Variants in PDE6A observed in about 807,000 individuals in gnomAD.
PDE6A encodes phosphodiesterase 6A, also known as rod cGMP-specific 3',5'-cyclic phosphodiesterase subunit alpha.
PDE6A carries 84 observed loss-of-function variants against 106.3 expected under a neutral mutation model. That is an observed-to-expected ratio of 0.79 (90% CI 0.66 to 0.95). PDE6A has a LOEUF of 0.95. Ranked by LOEUF, PDE6A falls within the 40% of genes least tolerant of loss-of-function variation. PDE6A has a pLI of 0.00. For missense variants in PDE6A, 1,052 were observed against 1,084.9 expected (o/e 0.97, Z 0.43); for synonymous variants, 394 against 386.6 (o/e 1.02, Z -0.23).
intron 1 of PDE6A, 92 bp downstream of exon 1, chr5:149,944,108 T>C (rs1286287175): frequency 3.4e-6 from 3 of 884,650 alleles, no homozygotes; most frequent in Non-Finnish European, 5.7e-6. Flanking sequence ...TCACCAGCCT[T>C]GTCTTGGTGG....
chr5:149,916,248 A>G (rs760320757), intron 5 of PDE6A, among the ~76,000 whole-genome samples: 19 of 152,332 alleles, frequency 1.2e-4, no homozygotes, highest in Non-Finnish European at 1.9e-4. Context: ...TTGCCCCAAA[A>G]CATTAAATAT....
intron 6 of PDE6A, among the ~76,000 whole-genome samples, chr5:149,913,331 G>A (rs929700132): frequency 3.3e-5 from 5 of 150,380 alleles, no homozygotes; most frequent in African/African-American, 7.4e-5. Context: ...GTAGTGAGCT[G>A]AGATTCGGCC....
Position 149,884,278 on chromosome 5 carries a change from G to GTGTATATATGTGTATATA in PDE6A, c.2027+183_2027+200dup, listed in dbSNP as rs1167877413. Among the ~76,000 whole-genome samples, 342 of 137,408 alleles carry GTGTATATATGTGTATATA rather than the reference G, an allele frequency of 2.5e-3. 2 individuals are homozygous for GTGTATATATGTGTATATA. Among genetic ancestry groups the GTGTATATATGTGTATATA allele is most frequent in the African/African-American group, 3.0e-3 (109 of 35,800 alleles). The allele number at this position is 137,408 out of a possible 152,430, so 90.1% of individuals were successfully genotyped here. A position where few individuals can be genotyped will look rare whatever the true frequency, so the allele number is the denominator to read the frequency against. The stretch of plus-strand genomic sequence containing the variant: ...TATATGTGTATATATATGTATATAT[G>GTGTATATATGTGTATATA]TGTATATATGTGTATATATGTATAT... On this transcript the variant is annotated intron_variant, in intron 16 of 21. Transcript: ENST00000255266.
At chr5:149,928,152 T>C (rs1009966510) in intron 4 of PDE6A, among the ~76,000 whole-genome samples, 4 of 145,920 alleles carry the variant, frequency 2.7e-5, no homozygotes, top group African/African-American at 7.6e-5. Flanking sequence ...ACCAGTAACA[T>C]AGTTTTCTAG....
chr5:149,892,291 G>C (rs1203978330), intron 13 of PDE6A, among the ~76,000 whole-genome samples: 1 of 151,968 alleles, frequency 6.6e-6, no homozygotes, highest in Non-Finnish European at 1.5e-5. Context: ...TTTCCGGACT[G>C]GGCAACAGAG....
chr5:149,892,493 CTTTTT>C (rs56059807), intron 13 of PDE6A, among the ~76,000 whole-genome samples: 1 of 135,496 alleles, frequency 7.4e-6, no homozygotes, highest in African/African-American at 2.7e-5. Flanking sequence ...CTTTTCTTTC[CTTTTT>C]TTTTTTTTTT....
At chr5:149,918,167 C>T (rs571811360) in intron 5 of PDE6A, among the ~76,000 whole-genome samples, 1 of 152,282 alleles carries the variant, frequency 6.6e-6, no homozygotes, top group Middle Eastern at 3.4e-3. Context: ...GATATACTCC[C>T]AAATGTGGGT....
At position 149,895,175 on chromosome 5, in the gene PDE6A, C is replaced by T. The variant is rs372315011; in HGVS notation, c.1728+8G>A. The T allele has an allele frequency of 2.5e-5, 40 of 1,593,064 alleles. No homozygotes were observed. Among genetic ancestry groups the T allele is most frequent in the African/African-American group, 1.1e-4 (8 of 74,676 alleles). Reference sequence around the variant, plus strand: ...CCCACCCTACCAGCCCCACCGGCCCCGCCATACCACCAGCAGGGAGAACAT... The same window carrying T: ...CCCACCCTACCAGCCCCACCGGCCCTGCCATACCACCAGCAGGGAGAACAT... On this transcript the variant is annotated splice_region_variant and intron_variant, in intron 13 of 21. Coordinates refer to ENST00000255266, the MANE Select transcript of PDE6A (RefSeq NM_000440.3).
At chr5:149,925,706 CAAA>C (rs36003503) in intron 4 of PDE6A, among the ~76,000 whole-genome samples, 3 of 102,160 alleles carry the variant, frequency 2.9e-5, no homozygotes, top group East Asian at 6.0e-4. Context: ...GACTCTGTCT[CAAA>C]AAAAAAAAAA....
intron 4 of PDE6A, among the ~76,000 whole-genome samples, chr5:149,929,082 T>C (rs1278994947): frequency 6.6e-6 from 1 of 152,178 alleles, no homozygotes; most frequent in Non-Finnish European, 1.5e-5. Context: ...GGGCAATATC[T>C]ACTAAAGCTA....
chr5:149,864,324 C>T (rs778367929), intron 20 of PDE6A, among the ~76,000 whole-genome samples: 32 of 151,784 alleles, frequency 2.1e-4, no homozygotes, highest in Non-Finnish European at 3.8e-4. Flanking sequence ...CTGCAACCTC[C>T]GCCTCCCAGG....
intron 6 of PDE6A, among the ~76,000 whole-genome samples, chr5:149,912,948 C>A (rs556546536): frequency 1.1e-4 from 16 of 151,952 alleles, no homozygotes; most frequent in Non-Finnish European, 2.2e-4. Context: ...AAAATTGCGA[C>A]CTGTGACCAT....
chr5:149,889,174 C>A (rs1346104588), intron 13 of PDE6A, among the ~76,000 whole-genome samples: 1 of 149,510 alleles, frequency 6.7e-6, no homozygotes, highest in Non-Finnish European at 1.5e-5. Flanking sequence ...GTCAAAAGTA[C>A]ACTGATGCAA....
intron 6 of PDE6A, among the ~76,000 whole-genome samples, chr5:149,910,948 T>G (rs1217509305): frequency 2.8e-5 from 4 of 145,338 alleles, no homozygotes; most frequent in Non-Finnish European, 3.0e-5. Context: ...GGTGCGATCA[T>G]GGCTCACTGT....
intron 17 of PDE6A, among the ~76,000 whole-genome samples, chr5:149,873,702 C>G (rs947393466): frequency 6.6e-6 from 1 of 152,098 alleles, no homozygotes. Flanking sequence ...AGCTCATGAG[C>G]CATACACAAA....
intron 13 of PDE6A, among the ~76,000 whole-genome samples, chr5:149,889,087 A>T (rs1752443274): frequency 6.6e-6 from 1 of 150,528 alleles, no homozygotes; most frequent in South Asian, 2.1e-4. Context: ...GTCTCAAAAA[A>T]AAAAAAAAAA....
intron 19 of PDE6A, chr5:149,866,512 A>G: frequency 2.2e-6 from 1 of 457,280 alleles, no homozygotes; most frequent in Non-Finnish European, 4.0e-6. Flanking sequence ...GAAAAAGGCC[A>G]GAGGGTGGGA....
At position 149,863,248 on chromosome 5, in the gene PDE6A, C is replaced by T. The variant is rs141546165; in HGVS notation, c.2377G>A (p.Glu793Lys). The stretch of plus-strand genomic sequence containing the variant: ...CCGTCCAACATTGGGGTGATCTCCT[C>T]GTGGAAACGGGAGAATTCCTAGAAG... The part of the protein sequence containing the change: ...FVYKEFSRFH[E>K]EITPMLDGIT... Residue 793 changes from glutamate to lysine, a missense_variant, in exon 21 of 22, where the codon GAG becomes AAG. Transcript: ENST00000255266. This position sits in a 1 kb window ranked among gnomAD's most constrained non-coding sequence, Gnocchi z 4.7. 4.3e-5 allele frequency: 69 copies of T among 1,614,036 alleles called. No homozygotes were observed. The highest frequency in any genetic ancestry group is 1.6e-4 in the Middle Eastern group (1 of 6,082).
intron 17 of PDE6A, among the ~76,000 whole-genome samples, chr5:149,879,260 T>C (rs1161765677): frequency 6.6e-6 from 1 of 151,960 alleles, no homozygotes; most frequent in African/African-American, 2.4e-5. Context: ...TTAGTAGAGA[T>C]GGCGTTTCAC....
Sources: allele counts gnomAD v4.1 joint callset (sites outside exome capture counted in the v4.1 genomes callset), GRCh38; gene constraint gnomAD v4.1.1; non-coding constraint Gnocchi (gnomAD v3.1); transcripts MANE v1.5; gene names NCBI Gene and HGNC (gene_info 2026-07-23, HGNC 2026-07-21).